Variants in NPAS3 observed in about 807,000 individuals in gnomAD.
The protein encoded by NPAS3 is neuronal PAS domain-containing protein 3.
Under a neutral mutation model 73.1 loss-of-function variants are expected in NPAS3, and 14 were observed. The ratio of observed to expected loss-of-function variants is 0.19; its 90% confidence interval spans 0.13 to 0.30. NPAS3 has a LOEUF of 0.30. NPAS3 is among the 10% of genes least tolerant of loss of function. The pLI, the probability that NPAS3 is intolerant of heterozygous loss-of-function variation, is 1.00. For missense variants in NPAS3, 1,096 were observed against 1,250.0 expected (o/e 0.88, Z 1.86); for synonymous variants, 620 against 541.5 (o/e 1.14, Z -2.01).
chr14:33,633,838 T>C (rs980294584), intron 5 of NPAS3, among the ~76,000 whole-genome samples: 1 of 151,922 alleles, frequency 6.6e-6, no homozygotes, highest in Non-Finnish European at 1.5e-5. Flanking sequence ...AATTAGCCAG[T>C]TGTGGTGGCG....
downstream of NPAS3, chr14:33,802,383 A>G (rs1412967386): frequency 2.0e-5 from 3 of 150,136 alleles, no homozygotes. Context: ...AAGTAAAAAA[A>G]AAAAAAAAGA....
intron 5 of NPAS3, among the ~76,000 whole-genome samples, chr14:33,646,005 A>T (rs1488221760): frequency 1.3e-5 from 2 of 152,218 alleles, no homozygotes; most frequent in Non-Finnish European, 2.9e-5. Context: ...AGCTAGGTCA[A>T]AAGATAATTA....
At chr14:33,629,491 A>G (rs1165158903) in intron 5 of NPAS3, among the ~76,000 whole-genome samples, 2 of 152,088 alleles carry the variant, frequency 1.3e-5, no homozygotes, top group African/African-American at 2.4e-5. Context: ...TAGTGTGTGT[A>G]TGAACTTGAA....
intron 7 of NPAS3, among the ~76,000 whole-genome samples, chr14:33,762,618 A>G (rs2062329678): frequency 6.6e-6 from 1 of 152,178 alleles, no homozygotes; most frequent in Admixed American, 6.5e-5. Flanking sequence ...AAGACATACG[A>G]ATAGCAGCGG....
chr14:33,386,851 ATG>A (rs2046795992), intron 4 of NPAS3, among the ~76,000 whole-genome samples: 1 of 152,128 alleles, frequency 6.6e-6, no homozygotes, highest in African/African-American at 2.4e-5. Flanking sequence ...GTTCATAACT[ATG>A]TATTCCAATT....
chr14:33,608,037 G>A (rs915996882), intron 5 of NPAS3, among the ~76,000 whole-genome samples: 1 of 152,156 alleles, frequency 6.6e-6, no homozygotes, highest in Non-Finnish European at 1.5e-5. Context: ...AATTCAAGAT[G>A]AGATTTGGGT....
At chr14:33,252,579 A>G (rs1277252976) in intron 3 of NPAS3, among the ~76,000 whole-genome samples, 1 of 151,894 alleles carries the variant, frequency 6.6e-6, no homozygotes, top group Non-Finnish European at 1.5e-5. Context: ...GAGTTGTGCA[A>G]TCTTCACCTT....
intron 1 of NPAS3, among the ~76,000 whole-genome samples, chr14:32,997,309 G>T (rs2139530542): frequency 6.6e-6 from 1 of 152,268 alleles, no homozygotes; most frequent in Non-Finnish European, 1.5e-5. Context: ...TGAGACTTTG[G>T]ACTGTGGACT....
chr14:33,649,988 G>T (rs2140226419), intron 5 of NPAS3, among the ~76,000 whole-genome samples: 1 of 152,274 alleles, frequency 6.6e-6, no homozygotes, highest in Admixed American at 6.5e-5. Context: ...GACTTTAACA[G>T]GAGAGGAATA....
At chr14:33,045,562 T>C (rs2040480330) in intron 1 of NPAS3, among the ~76,000 whole-genome samples, 1 of 152,146 alleles carries the variant, frequency 6.6e-6, no homozygotes, top group Non-Finnish European at 1.5e-5. Context: ...TTACTTCAGG[T>C]TGTATTGACA....
intron 5 of NPAS3, among the ~76,000 whole-genome samples, chr14:33,599,581 T>C (rs1007233583): frequency 5.3e-5 from 8 of 152,198 alleles, no homozygotes; most frequent in Non-Finnish European, 1.2e-4. Flanking sequence ...TTCATACTTC[T>C]AAACTGCATA....
At chr14:33,733,031 A>G (rs541589281) in intron 6 of NPAS3, among the ~76,000 whole-genome samples, 21 of 152,326 alleles carry the variant, frequency 1.4e-4, no homozygotes, top group Non-Finnish European at 2.8e-4. Context: ...TTACTGGGTC[A>G]GGGGCTCCAG....
At chr14:33,016,566 T>C (rs1458041675) in intron 1 of NPAS3, among the ~76,000 whole-genome samples, 2 of 124,896 alleles carry the variant, frequency 1.6e-5, no homozygotes, top group African/African-American at 3.2e-5. Context: ...ATGTAAAATA[T>C]AGAACCATGA....
Position 33,411,022 on chromosome 14 carries a change from C to A in NPAS3, c.468+43754C>A, listed in dbSNP as rs545260833. On this transcript the variant is annotated intron_variant, in intron 4 of 11. Coordinates refer to ENST00000356141, the Ensembl canonical transcript of NPAS3. ...CTTTCAATGATATAGCCTCTTGAACCCAGACTTATCAGTCCTACTCAGTCT... is the reference window on the plus strand; with the variant it reads ...CTTTCAATGATATAGCCTCTTGAACACAGACTTATCAGTCCTACTCAGTCT... Among the ~76,000 whole-genome samples the A allele has an allele frequency of 9.3e-4, 142 of 152,274 alleles. 1 individual carries two copies. In the South Asian group the frequency reaches 9.5e-3, roughly 10 times the overall value.
At chr14:33,261,880 G>A (rs1243026516) in intron 3 of NPAS3, among the ~76,000 whole-genome samples, 1 of 152,170 alleles carries the variant, frequency 6.6e-6, no homozygotes, top group Non-Finnish European at 1.5e-5. Flanking sequence ...CTTGGGCTTA[G>A]CAATGATCAT....
intron 3 of NPAS3, among the ~76,000 whole-genome samples, chr14:33,278,952 C>G (rs1020516541): frequency 6.7e-6 from 1 of 149,538 alleles, no homozygotes; most frequent in Non-Finnish European, 1.5e-5. Context: ...ACAAACATCA[C>G]AGTTAAATGA....
chr14:33,621,788 G>T (rs1595296709), intron 5 of NPAS3, among the ~76,000 whole-genome samples: 1 of 152,074 alleles, frequency 6.6e-6, no homozygotes, highest in Non-Finnish European at 1.5e-5. Flanking sequence ...AAAAACATAA[G>T]TAAAGGCGAA....
intron 3 of NPAS3, among the ~76,000 whole-genome samples, chr14:33,245,429 G>C (rs769853220): frequency 1.3e-5 from 2 of 152,120 alleles, no homozygotes; most frequent in Admixed American, 1.3e-4. Context: ...CTTATATGAC[G>C]TAGGGTTCTG....
chr14:33,344,432 T>A (rs1276484841), intron 3 of NPAS3, among the ~76,000 whole-genome samples: 1 of 152,190 alleles, frequency 6.6e-6, no homozygotes, highest in African/African-American at 2.4e-5. Context: ...AGTGCTGTGT[T>A]TCTAGTTGAA....
Sources: allele counts gnomAD v4.1 joint callset (sites outside exome capture counted in the v4.1 genomes callset), GRCh38; gene constraint gnomAD v4.1.1; transcripts MANE v1.5; gene names NCBI Gene and HGNC (gene_info 2026-07-23, HGNC 2026-07-21).